ELP1: variants seen among roughly 807,000 people sequenced by gnomAD.
The protein encoded by ELP1 is elongator acetyltransferase complex subunit 1.
ELP1 carries 131 observed loss-of-function variants against 183.2 expected under a neutral mutation model. The observed-to-expected ratio is 0.72, with a 90% CI of 0.62 to 0.83. The LOEUF is 0.83. ELP1 is among the 40% of genes least tolerant of loss of function. The pLI, the probability that ELP1 is intolerant of heterozygous loss-of-function variation, is 0.00. For synonymous variants in ELP1, 555 were observed against 569.0 expected (o/e 0.98, Z 0.35); for missense variants, 1,550 against 1,594.9 (o/e 0.97, Z 0.48).
At chr9:108,905,369 G>C (rs1346464181) in intron 14 of ELP1, among the ~76,000 whole-genome samples, 2 of 152,136 alleles carry the variant, frequency 1.3e-5, no homozygotes, top group Non-Finnish European at 2.9e-5. Context: ...GAACTGGCTA[G>C]AAAATGCTAT....
At chr9:108,899,682 G>C (rs200280577) in intron 20 of ELP1, 140 bp downstream of exon 20, 3 of 556,454 alleles carry the variant, frequency 5.4e-6, no homozygotes, top group Middle Eastern at 3.6e-4. Context: ...AAAAAAAAAA[G>C]AGCCTCTAAG....
chr9:108,869,213 C>G (rs1396473724), intron 36 of ELP1, 31 bp from the exon 37 acceptor site: 1 of 1,592,176 alleles, frequency 6.3e-7, no homozygotes, highest in African/African-American at 1.3e-5. Context: ...GAAATTGTGA[C>G]AGACATACTC....
Position 108,901,510 on chromosome 9 carries a change from T to C in ELP1, c.1929A>G (p.Ser643=). The change falls in exon 18 of 37, where the codon TCA becomes TCG. Residue 643 remains serine, a synonymous_variant. Coordinates refer to ENST00000374647, the MANE Select transcript of ELP1 (RefSeq NM_003640.5). ...ATAAAAACTCATCATATACTGCAAA[T>C]GACGTGATATTTGACGCAACCTGCA... The part of the protein sequence containing the change: ...NDIEVASNIT[S]FAVYDEFLLL... 1 of 1,614,060 alleles carries C rather than the reference T, an allele frequency of 6.2e-7. No homozygotes were observed. Among genetic ancestry groups the C allele is most frequent in the Non-Finnish European group, 8.5e-7 (1 of 1,179,934 alleles).
chr9:108,903,481 C>G (rs1339753249), intron 15 of ELP1, 82 bp downstream of exon 15: 1 of 980,286 alleles, frequency 1.0e-6, no homozygotes, highest in African/African-American at 1.6e-5. Flanking sequence ...CAATATTGAA[C>G]TGACAAGATA....
intron 30 of ELP1, 28 bp from the exon 31 acceptor site, chr9:108,881,793 G>T: frequency 7.6e-7 from 1 of 1,308,636 alleles, no homozygotes; most frequent in Non-Finnish European, 1.1e-6. Flanking sequence ...ATAATTTTAG[G>T]AAGGAAAACT....
At chr9:108,870,968 C>CCTTTT (rs1295256343) in intron 36 of ELP1, among the ~76,000 whole-genome samples, 1 of 113,336 alleles carries the variant, frequency 8.8e-6, no homozygotes, top group Non-Finnish European at 1.8e-5. Flanking sequence ...CTTCATGCAC[C>CCTTTT]ATTTTTTTTT....
intron 36 of ELP1, among the ~76,000 whole-genome samples, chr9:108,873,370 T>C (rs1827560822): frequency 6.6e-6 from 1 of 152,244 alleles, no homozygotes. Flanking sequence ...GAGTAATATT[T>C]GAGTGGCACT....
chr9:108,914,036 T>C (rs73512474), intron 10 of ELP1, among the ~76,000 whole-genome samples: 9,160 of 152,234 alleles, frequency 0.06, 935 homozygotes, highest in African/African-American at 0.21. Context: ...TCATTTTTTT[T>C]CTAAAGGTGT....
At chr9:108,930,372 T>C (rs1017694734) in intron 2 of ELP1, among the ~76,000 whole-genome samples, 2 of 152,170 alleles carry the variant, frequency 1.3e-5, no homozygotes, top group Non-Finnish European at 2.9e-5. Context: ...TTAGTTGACA[T>C]GAGATGTGGG....
intron 29 of ELP1, among the ~76,000 whole-genome samples, chr9:108,884,963 C>T (rs1413852038): frequency 2.6e-5 from 4 of 151,946 alleles, no homozygotes; most frequent in Non-Finnish European, 5.9e-5. Flanking sequence ...CACCTGTAAT[C>T]CCAACTACTC....
Position 108,902,920 on chromosome 9 carries a change from T to C in ELP1, c.1773A>G (p.Lys591=). The C allele has an allele frequency of 1.2e-6, 2 of 1,613,982 alleles. No individual in the cohort carries two copies. The highest frequency in any genetic ancestry group is 1.7e-6 in the Non-Finnish European group (2 of 1,179,872). ...GAAATCCACCAGAGTTCTTCCATGGTTTAATAGCCAGAGAAGGTGACTCTG... is the reference window on the plus strand; with the variant it reads ...GAAATCCACCAGAGTTCTTCCATGGCTTAATAGCCAGAGAAGGTGACTCTG... The part of the protein sequence containing the change: ...YLWESPSLAI[K]PWKNSGGFPV... The change falls in exon 16 of 37, where the codon AAA becomes AAG. Residue 591 remains lysine (K), a synonymous_variant. Transcript: ENST00000374647.
At chr9:108,911,837 A>C (rs1829234007) in intron 11 of ELP1, among the ~76,000 whole-genome samples, 1 of 152,192 alleles carries the variant, frequency 6.6e-6, no homozygotes, top group South Asian at 2.1e-4. Flanking sequence ...TGAACTGAAC[A>C]TACTGGAGAG....
chr9:108,898,796 A>T (rs765875855), intron 20 of ELP1, 47 bp from the exon 21 acceptor site: 2 of 1,293,068 alleles, frequency 1.5e-6, no homozygotes, highest in South Asian at 2.4e-5. Flanking sequence ...ACAAAAACTG[A>T]GCTCCATGGG....
chr9:108,921,056 T>A (rs879597202), intron 6 of ELP1, among the ~76,000 whole-genome samples: 35 of 152,216 alleles, frequency 2.3e-4, no homozygotes, highest in Non-Finnish European at 4.3e-4. Flanking sequence ...TACTGGGATA[T>A]AATTTACATA....
rs34487171 is a variant in ELP1, at chr9:108,912,324, T to C, written c.1129A>G (p.Thr377Ala). ...GAATTATCTCCCACGCTCCGGTCAGTCGTCCAGTGCCAATCATAGGCGAGG... is the reference window on the plus strand; with the variant it reads ...GAATTATCTCCCACGCTCCGGTCAGCCGTCCAGTGCCAATCATAGGCGAGG... The part of the protein sequence containing the change: ...HYLAYDWHWT[T>A]DRSVGDNSSD... Residue 377 changes from threonine to alanine, a missense_variant, in exon 11 of 37, where the codon ACT (threonine) becomes GCT (alanine). By Grantham distance (58) the Thr-to-Ala change is moderately conservative. Coordinates refer to ENST00000374647, the MANE Select transcript of ELP1 (RefSeq NM_003640.5). 2.9e-5 allele frequency: 47 copies of C among 1,614,140 alleles called. No homozygotes were observed. The African/African-American group carries it at 5.6e-4, about 19-fold the overall frequency.
chr9:108,869,288 A>G, intron 36 of ELP1, 106 bp from the exon 37 acceptor site: 3 of 935,330 alleles, frequency 3.2e-6, no homozygotes, highest in African/African-American at 1.6e-5. Context: ...GTTTGCAGCA[A>G]TAAGACCATC....
In ELP1 at chr9:108,896,641, T is replaced by C. The variant is rs1327824630; in HGVS notation, c.2591A>G (p.Asn864Ser). The change falls in exon 25 of 37, where the codon AAT (asparagine) becomes AGT (serine). Residue 864 changes from asparagine to serine, a missense_variant. By Grantham distance (46) the Asn-to-Ser change is conservative. Transcript: ENST00000374647. ...CACAGCATCAGGATCAGAGGGAGCA[T>C]TTCCTAACAGTGTTTAGAAAACAAA... ...VLQKVHELQG[N>S]APSDPDAVSA... 2.5e-6 allele frequency: 4 copies of C among 1,613,846 alleles called. No homozygotes were observed. The highest frequency in any genetic ancestry group is 1.3e-5 in the African/African-American group (1 of 74,900).
chr9:108,908,365 G>A lies in ELP1; in HGVS notation c.1400C>T (p.Ala467Val), dbSNP rs368040993. ...PSADPTVKLG[A>V]VGGSGFKVCL... is the part of the protein sequence containing the mutation. Reference sequence around the variant, plus strand: ...AACTTTAAATCCACTTCCACCCACAGCTCCCAGTTTCACTGTAGGGTCAGC... The same window carrying A: ...AACTTTAAATCCACTTCCACCCACAACTCCCAGTTTCACTGTAGGGTCAGC... Residue 467 changes from alanine to valine, a missense_variant, in exon 13 of 37, where the codon GCT becomes GTT. Transcript: ENST00000374647. The A allele has an allele frequency of 7.4e-6, 12 of 1,614,004 alleles. No individual in the cohort carries two copies. The East Asian group carries it at 2.4e-4, about 33-fold the overall frequency.
Position 108,893,940 on chromosome 9 carries a change from T to TA in ELP1, c.2860+2dup. On this transcript the variant is annotated splice_region_variant and intron_variant, in intron 26 of 36. Transcript: ENST00000374647. ...AGATAAACATACTAATCCCCACACTTACCACATTTGCTGAGGTGGCCAATG... is the reference window on the plus strand; with the variant it reads ...AGATAAACATACTAATCCCCACACTTAACCACATTTGCTGAGGTGGCCAATG... 1 of 1,613,760 alleles carries TA rather than the reference T, an allele frequency of 6.2e-7. No homozygotes were observed. Among genetic ancestry groups the TA allele is most frequent in the Non-Finnish European group, 8.5e-7 (1 of 1,179,796 alleles).
Sources: allele counts gnomAD v4.1 joint callset (sites outside exome capture counted in the v4.1 genomes callset), GRCh38; gene constraint gnomAD v4.1.1; transcripts MANE v1.5; gene names NCBI Gene and HGNC (gene_info 2026-07-23, HGNC 2026-07-21).